Variants in MEIS2 observed in about 807,000 individuals in gnomAD.
The protein encoded by MEIS2 is Meis homeobox 2.
MEIS2 carries 9 observed loss-of-function variants against 58.6 expected under a neutral mutation model. That is an observed-to-expected ratio of 0.15 (90% confidence interval 0.09 to 0.27). The LOEUF is 0.27. Ranked by LOEUF, MEIS2 falls within the 10% of genes least tolerant of loss-of-function variation. The probability of loss-of-function intolerance (pLI) is 1.00; values close to 1 mark genes in which losing one functional copy is unlikely to be tolerated. For synonymous variants in MEIS2, 221 were observed against 228.4 expected (o/e 0.97, Z 0.29); for missense variants, 427 against 635.0 (o/e 0.67, Z 3.52).
intron 9 of MEIS2, among the ~76,000 whole-genome samples, chr15:36,931,236 G>A (rs2057965632): frequency 6.6e-6 from 1 of 152,160 alleles, no homozygotes; most frequent in African/African-American, 2.4e-5. Flanking sequence ...AGCAAACTCA[G>A]TATATCATGG....
At chr15:37,047,734 A>C (rs2062733280) in intron 7 of MEIS2, among the ~76,000 whole-genome samples, 1 of 152,222 alleles carries the variant, frequency 6.6e-6, no homozygotes, top group East Asian at 1.9e-4. Context: ...AGAAGAAAAA[A>C]GGTGGTCGGA....
chr15:36,991,778 TTTTTC>T (rs1194064543), intron 8 of MEIS2, among the ~76,000 whole-genome samples: 21,489 of 95,712 alleles, frequency 0.22, 4,568 homozygotes, highest in South Asian at 0.31. Context: ...TTTCTTTTTT[TTTTTC>T]TTTTTTTTTT....
At chr15:37,092,550 C>T (rs937244013) in intron 6 of MEIS2, among the ~76,000 whole-genome samples, 3 of 151,830 alleles carry the variant, frequency 2.0e-5, no homozygotes, top group African/African-American at 7.3e-5. Flanking sequence ...CTATAGACAC[C>T]CTGTCCCCCA....
chr15:36,894,687 T>C, intron 11 of MEIS2: 1 of 1,508,932 alleles, frequency 6.6e-7, no homozygotes, highest in Admixed American at 1.7e-5. Flanking sequence ...GAAGTGATAG[T>C]GAAGACAGAT....
At chr15:36,917,958 C>T (rs1425232745) in intron 9 of MEIS2, among the ~76,000 whole-genome samples, 1 of 152,160 alleles carries the variant, frequency 6.6e-6, no homozygotes, top group Admixed American at 6.5e-5. Context: ...GGTTCATCTC[C>T]TTTCTCTTAT....
intron 7 of MEIS2, among the ~76,000 whole-genome samples, chr15:37,055,806 C>A (rs1888319880): frequency 6.6e-6 from 1 of 152,142 alleles, no homozygotes; most frequent in Admixed American, 6.5e-5. Flanking sequence ...GCTAGTTCTA[C>A]CACAAAAAAT....
At chr15:36,946,984 T>C (rs2058589724) in intron 9 of MEIS2, among the ~76,000 whole-genome samples, 1 of 152,030 alleles carries the variant, frequency 6.6e-6, no homozygotes, top group Non-Finnish European at 1.5e-5. Flanking sequence ...ATTTGGTTCG[T>C]TGCTATTCCT....
intron 9 of MEIS2, among the ~76,000 whole-genome samples, chr15:36,922,279 T>A (rs1299405843): frequency 6.6e-6 from 1 of 152,126 alleles, no homozygotes; most frequent in Non-Finnish European, 1.5e-5. Flanking sequence ...GGAAAAACCT[T>A]GTTCACTTCA....
chr15:37,053,111 T>C (rs1318164359), intron 7 of MEIS2, among the ~76,000 whole-genome samples: 1 of 152,200 alleles, frequency 6.6e-6, no homozygotes, highest in Non-Finnish European at 1.5e-5. Flanking sequence ...AGGAAGGGGT[T>C]TGCTTTCTCA....
At chr15:37,062,711 C>A (rs751844751) in intron 7 of MEIS2, among the ~76,000 whole-genome samples, 4 of 152,212 alleles carry the variant, frequency 2.6e-5, no homozygotes, top group Non-Finnish European at 4.4e-5. Flanking sequence ...ATCAAATTTA[C>A]ATATAAGGAC....
At chr15:36,989,492 C>T (rs968857160) in intron 8 of MEIS2, among the ~76,000 whole-genome samples, 5 of 152,202 alleles carry the variant, frequency 3.3e-5, no homozygotes, top group Admixed American at 2.6e-4. Context: ...CTTGCATACT[C>T]GTGTGGACTT....
intron 9 of MEIS2, among the ~76,000 whole-genome samples, chr15:36,948,591 T>C (rs554844639): frequency 6.6e-6 from 1 of 151,974 alleles, no homozygotes; most frequent in Non-Finnish European, 1.5e-5. Context: ...AAAATTATGA[T>C]TCTAAAGCAA....
chr15:37,033,786 G>A (rs1314013181), intron 8 of MEIS2, among the ~76,000 whole-genome samples: 1 of 152,142 alleles, frequency 6.6e-6, no homozygotes. Flanking sequence ...CTAGTTAGGG[G>A]TCTCTATTCT....
At chr15:36,924,600 T>TG (rs2057666456) in intron 9 of MEIS2, among the ~76,000 whole-genome samples, 1 of 152,106 alleles carries the variant, frequency 6.6e-6, no homozygotes, top group African/African-American at 2.4e-5. Context: ...TTATGAGAGT[T>TG]AACTACATAG....
chr15:37,056,776 G>T (rs920721986), intron 7 of MEIS2, among the ~76,000 whole-genome samples: 3 of 152,202 alleles, frequency 2.0e-5, no homozygotes, highest in African/African-American at 7.2e-5. Context: ...TCAAACCAGT[G>T]TGTCTTCAAC....
At chr15:37,056,314 G>A (rs1888392889) in intron 7 of MEIS2, among the ~76,000 whole-genome samples, 1 of 152,088 alleles carries the variant, frequency 6.6e-6, no homozygotes, top group South Asian at 2.1e-4. Context: ...GTAAATACAT[G>A]GTGTTAAAAT....
At position 37,036,907 on chromosome 15, in the gene MEIS2, A is replaced by G. The variant is rs757838076; in HGVS notation, c.807T>C (p.Asp269=). 3 of 1,613,828 alleles carry G rather than the reference A, an allele frequency of 1.9e-6. No individual in the cohort carries two copies. The South Asian group carries it at 3.3e-5, about 18-fold the overall frequency. ...VASPGTGDDD[D]PDKDKKRQKK... ...TCTGGCGTTTTTTGTCCTTATCCGG[A>G]TCATCATCGTCACCTGTACCAGGTG... is the stretch of plus-strand genomic sequence containing the variant. The change falls in exon 8 of 12, where the codon GAT becomes GAC. Residue 269 remains aspartate (D), a synonymous_variant. Transcript: ENST00000561208.
At chr15:36,974,222 C>G (rs1326849372) in intron 8 of MEIS2, among the ~76,000 whole-genome samples, 1 of 152,120 alleles carries the variant, frequency 6.6e-6, no homozygotes, top group Non-Finnish European at 1.5e-5. Flanking sequence ...TTTTAAAACA[C>G]CAAACATCAT....
At chr15:36,931,924 A>T (rs1175724087) in intron 9 of MEIS2, among the ~76,000 whole-genome samples, 1 of 152,236 alleles carries the variant, frequency 6.6e-6, no homozygotes, top group Non-Finnish European at 1.5e-5. Context: ...ATATGCAGAT[A>T]ATCAGACATT....
Sources: allele counts gnomAD v4.1 joint callset (sites outside exome capture counted in the v4.1 genomes callset), GRCh38; gene constraint gnomAD v4.1.1; transcripts MANE v1.5; gene names NCBI Gene and HGNC (gene_info 2026-07-23, HGNC 2026-07-21).